Variants in DTHD1 observed in about 807,000 individuals in gnomAD.
DTHD1 encodes death domain-containing protein 1.
A neutral mutation model predicts 74.8 loss-of-function variants in DTHD1; 59 were observed. That is an observed-to-expected ratio of 0.79 (90% confidence interval 0.64 to 0.98). DTHD1 has a LOEUF of 0.98. Ranked by LOEUF, DTHD1 falls within the 50% of genes least tolerant of loss-of-function variation. DTHD1 has a pLI of 0.00. For missense variants in DTHD1, 1,051 were observed against 1,065.4 expected (o/e 0.99, Z 0.19); for synonymous variants, 365 against 371.1 (o/e 0.98, Z 0.19).
At position 36,346,752 on chromosome 4, in the gene DTHD1, C is replaced by G. The variant is rs1427567368; in HGVS notation, c.*2928C>G. 6.6e-6 allele frequency among the ~76,000 whole-genome samples: 1 copy of G among 152,024 alleles called. No individual in the cohort carries two copies. The highest frequency in any genetic ancestry group is 1.9e-4 in the East Asian group (1 of 5,156). Reference sequence around the variant, plus strand: ...AAGGAGAGTGAATTATACCATTCCCCTTTTCCTCCCTGTGCTCATCTTGGC... The same window carrying G: ...AAGGAGAGTGAATTATACCATTCCCGTTTTCCTCCCTGTGCTCATCTTGGC... On this transcript the variant is annotated 3_prime_UTR_variant, in exon 10 of 10. Coordinates refer to ENST00000639862, the MANE Select transcript of DTHD1 (RefSeq NM_001170700.3).
intron 5 of DTHD1, 63 bp downstream of exon 5, chr4:36,295,102 A>C: frequency 7.1e-7 from 1 of 1,400,640 alleles, no homozygotes; most frequent in Non-Finnish European, 9.4e-7. Context: ...AGATGATTAA[A>C]ACTTGCAGTC....
intron 8 of DTHD1, among the ~76,000 whole-genome samples, chr4:36,319,113 T>A (rs1757918062): frequency 6.6e-6 from 1 of 152,246 alleles, no homozygotes; most frequent in Non-Finnish European, 1.5e-5. Context: ...CTCGATTTAC[T>A]TCCTAACACT....
chr4:36,339,062 C>A, intron 8 of DTHD1, 50 bp from the exon 9 acceptor site: 1 of 1,455,842 alleles, frequency 6.9e-7, no homozygotes, highest in Non-Finnish European at 9.4e-7. Context: ...GTAGCTTATT[C>A]ACAAATTAAT....
intron 7 of DTHD1, 82 bp downstream of exon 7, chr4:36,308,575 C>T: frequency 8.9e-7 from 1 of 1,125,046 alleles, no homozygotes; most frequent in Non-Finnish European, 1.2e-6. Context: ...ACTTGTGTTA[C>T]TAAGGAAACC....
intron 8 of DTHD1, among the ~76,000 whole-genome samples, chr4:36,319,529 G>A (rs1405316369): frequency 2.0e-5 from 3 of 152,174 alleles, no homozygotes; most frequent in Admixed American, 6.5e-5. Flanking sequence ...GCCTCACGTT[G>A]CTTTGCTGCC....
chr4:36,307,694 G>A (rs1312277969), intron 6 of DTHD1, among the ~76,000 whole-genome samples: 1 of 152,076 alleles, frequency 6.6e-6, no homozygotes, highest in East Asian at 1.9e-4. Context: ...GCATCCTATG[G>A]AGTCAATAAA....
At chr4:36,327,376 G>T (rs760736372) in intron 8 of DTHD1, among the ~76,000 whole-genome samples, 8 of 152,162 alleles carry the variant, frequency 5.3e-5, no homozygotes, top group Non-Finnish European at 1.0e-4. Context: ...AAACCTGTGG[G>T]TATTATAATC....
chr4:36,300,013 T>A (rs372885049), intron 5 of DTHD1, among the ~76,000 whole-genome samples: 1 of 152,104 alleles, frequency 6.6e-6, no homozygotes, highest in South Asian at 2.1e-4. Flanking sequence ...TCCCTAATTA[T>A]CTTTAGAGTT....
At chr4:36,296,614 A>G (rs1300321959) in intron 5 of DTHD1, among the ~76,000 whole-genome samples, 1 of 152,148 alleles carries the variant, frequency 6.6e-6, no homozygotes, top group Non-Finnish European at 1.5e-5. Flanking sequence ...AATTTATATT[A>G]TTGTCCATAT....
Position 36,294,868 on chromosome 4 carries a change from C to T in DTHD1, c.1472C>T (p.Thr491Ile). The T allele has an allele frequency of 1.9e-6, 3 of 1,551,856 alleles. No individual in the cohort carries two copies. Among genetic ancestry groups the T allele is most frequent in the Non-Finnish European group, 2.6e-6 (3 of 1,146,742 alleles). Residue 491 changes from threonine (T) to isoleucine (I), a missense_variant, in exon 5 of 10, where the codon ACA becomes ATA. Coordinates refer to ENST00000639862, the MANE Select transcript of DTHD1 (RefSeq NM_001170700.3). ...GATACTTTCTACTCAGTCCAATCCA[C>T]AAGCCCTCTGATTCACATTCAGCAC... is the stretch of plus-strand genomic sequence containing the variant. ...QQDTFYSVQS[T>I]SPLIHIQHPS...
Position 36,343,677 on chromosome 4 carries a change from G to A in DTHD1, c.2574G>A (p.Ser858=), listed in dbSNP as rs1379672435. 11 of 1,551,716 alleles carry A rather than the reference G, an allele frequency of 7.1e-6. No individual in the cohort carries two copies. The East Asian group carries it at 7.3e-5, about 10-fold the overall frequency. Residue 858 remains serine, a synonymous_variant, in exon 10 of 10, where the codon TCG becomes TCA. Coordinates refer to ENST00000639862, the MANE Select transcript of DTHD1 (RefSeq NM_001170700.3). The stretch of plus-strand genomic sequence containing the variant: ...AGTTTCTTTGCTTCTGGAAAAAATC[G>A]CTTCCAACTTTCACCGACAAACTTC... The part of the protein sequence containing the change: ...IHEFLCFWKK[S]LPTFTDKLRL...
At chr4:36,339,578 C>G (rs373896082) in intron 9 of DTHD1, among the ~76,000 whole-genome samples, 10 of 152,204 alleles carry the variant, frequency 6.6e-5, no homozygotes, top group African/African-American at 2.4e-4. Context: ...TGATATGAAA[C>G]CATAAGAAAC....
chr4:36,338,794 T>C (rs1317485568), intron 8 of DTHD1, among the ~76,000 whole-genome samples: 1 of 152,162 alleles, frequency 6.6e-6, no homozygotes, highest in East Asian at 1.9e-4. Context: ...TGCTGGTAGC[T>C]TGCTCTACGC....
At chr4:36,302,440 G>T (rs1756832191) in intron 5 of DTHD1, among the ~76,000 whole-genome samples, 1 of 152,100 alleles carries the variant, frequency 6.6e-6, no homozygotes, top group Non-Finnish European at 1.5e-5. Context: ...TCAGCTGTGT[G>T]GTAAGCACTC....
Position 36,293,656 on chromosome 4 carries a change from TA to T in DTHD1, c.1352del (p.Asn451IlefsTer15). On this transcript the variant is annotated frameshift_variant, in exon 4 of 10. Coordinates refer to ENST00000639862, the MANE Select transcript of DTHD1 (RefSeq NM_001170700.3). LOFTEE classifies it high-confidence loss of function. ...LKSSMDSRISLNYPPGVFTSP... is the reference protein window; with the variant it reads ...LKSSMDSRISXNYPPGVFTSP... The stretch of plus-strand genomic sequence containing the variant: ...TCAAGCATGGATTCCCGAATATCCT[TA>T]AATTACCCTCCAGGAGTTTTTACCT... 6.5e-7 allele frequency: 1 copy of T among 1,547,830 alleles called. No homozygotes were observed. The highest frequency in any genetic ancestry group is 8.7e-7 in the Non-Finnish European group (1 of 1,144,352).
chr4:36,301,452 G>GA (rs1214030795), intron 5 of DTHD1, among the ~76,000 whole-genome samples: 4 of 151,480 alleles, frequency 2.6e-5, no homozygotes, highest in Admixed American at 6.6e-5. Flanking sequence ...TCTGCTGCTG[G>GA]AAAAAAAATG....
rs548925613 is a variant in DTHD1, at chr4:36,307,917, C to T, written c.1806-287C>T. On this transcript the variant is annotated intron_variant, in intron 6 of 9. Transcript: ENST00000639862. ...CAGAGATTGAGTTTTGCCATGTTGC[C>T]CAGGCTGGTGTTGAACTTCTGGGCT... Among the ~76,000 whole-genome samples, 220 of 152,024 alleles carry T rather than the reference C, an allele frequency of 1.4e-3. 1 individual carries two copies. The highest frequency in any genetic ancestry group is 5.3e-3 in the African/African-American group (218 of 41,450).
chr4:36,346,550 G>T lies in DTHD1; in HGVS notation c.*2726G>T, dbSNP rs979903861. ...AGATAATCCAGGAAATCAATCCCATGTGTAATCTGTGCCACTTGGATTGAG... is the reference window on the plus strand; with the variant it reads ...AGATAATCCAGGAAATCAATCCCATTTGTAATCTGTGCCACTTGGATTGAG... On this transcript the variant is annotated 3_prime_UTR_variant, in exon 10 of 10. Coordinates refer to ENST00000639862, the MANE Select transcript of DTHD1 (RefSeq NM_001170700.3). Among the ~76,000 whole-genome samples, 2 of 152,056 alleles carry T rather than the reference G, an allele frequency of 1.3e-5. No homozygotes were observed. The highest frequency in any genetic ancestry group is 4.8e-5 in the African/African-American group (2 of 41,402).
At chr4:36,290,279 A>T in intron 2 of DTHD1, 94 bp from the exon 3 acceptor site, 1 of 1,273,854 alleles carries the variant, frequency 7.9e-7, no homozygotes, top group Non-Finnish European at 1.1e-6. Context: ...TCACACCAAG[A>T]CAATGTAGAT....
Sources: gnomAD v4.1 joint callset for allele counts (sites outside exome capture counted in the v4.1 genomes callset) on GRCh38, gnomAD v4.1.1 for gene constraint, MANE v1.5 for transcripts, NCBI Gene and HGNC (gene_info 2026-07-23, HGNC 2026-07-21) for gene names.